EDAR: variants seen among roughly 807,000 people sequenced by gnomAD.
EDAR encodes ectodysplasin A receptor.
A neutral mutation model predicts 51.3 loss-of-function variants in EDAR; 38 were observed. The ratio of observed to expected loss-of-function variants is 0.74; its 90% CI spans 0.57 to 0.97. The LOEUF (loss-of-function observed/expected upper bound fraction) is 0.97, where lower values mean the gene tolerates loss of function less well. EDAR is among the 50% of genes least tolerant of loss of function. The probability of loss-of-function intolerance (pLI) is 0.00; values close to 1 mark genes in which losing one functional copy is unlikely to be tolerated. For missense variants in EDAR, 528 were observed against 595.0 expected, an observed-to-expected ratio of 0.89 and a Z score of 1.17; for synonymous variants, 227 against 242.1, an observed-to-expected ratio of 0.94 and a Z score of 0.58.
intron 5 of EDAR, among the ~76,000 whole-genome samples, chr2:108,920,135 G>C (rs1348284822): frequency 6.6e-6 from 1 of 152,238 alleles, no homozygotes; most frequent in Admixed American, 6.5e-5. Flanking sequence ...GGGAAGTGCA[G>C]GCCAGCTCAC....
At chr2:108,956,982 G>T (rs927319193) in intron 1 of EDAR, among the ~76,000 whole-genome samples, 4 of 152,142 alleles carry the variant, frequency 2.6e-5, no homozygotes, top group Non-Finnish European at 5.9e-5. Flanking sequence ...TAGAGACGGG[G>T]TTTCTCCACG....
Position 108,895,397 on chromosome 2 carries a change from C to G in EDAR, c.*1510G>C, listed in dbSNP as rs898726152. On this transcript the variant is annotated 3_prime_UTR_variant, in exon 12 of 12. Transcript: ENST00000258443. ...GGAGTTCAGCAGTGAACTCTAACCC[C>G]TGGTGTGATCACTAGCCTGGCTCCT... is the stretch of plus-strand genomic sequence containing the variant. 1.3e-5 allele frequency: 2 copies of G among 152,622 alleles called. No individual in the cohort carries two copies. Among genetic ancestry groups the G allele is most frequent in the African/African-American group, 4.8e-5 (2 of 41,452 alleles). 9.5% of individuals were successfully genotyped at this position (152,622 alleles called of 1,614,324 possible).
chr2:108,953,364 C>T (rs1437923263), intron 1 of EDAR, among the ~76,000 whole-genome samples: 1 of 152,212 alleles, frequency 6.6e-6, no homozygotes, highest in Non-Finnish European at 1.5e-5. Flanking sequence ...GCAGTACTCT[C>T]TTCTCTGGTA....
intron 1 of EDAR, among the ~76,000 whole-genome samples, chr2:108,988,550 T>G (rs1698537346): frequency 6.6e-6 from 1 of 151,906 alleles, no homozygotes; most frequent in South Asian, 2.1e-4. Flanking sequence ...GTACGCAGAG[T>G]TGGAGGCAGG....
intron 6 of EDAR, among the ~76,000 whole-genome samples, chr2:108,912,104 G>A (rs1353406204): frequency 6.6e-6 from 1 of 152,166 alleles, no homozygotes; most frequent in Non-Finnish European, 1.5e-5. Flanking sequence ...GGGCTCTGGA[G>A]GGTACCTCAC....
At chr2:108,947,459 G>A (rs1697734814) in intron 1 of EDAR, among the ~76,000 whole-genome samples, 1 of 152,194 alleles carries the variant, frequency 6.6e-6, no homozygotes, top group Non-Finnish European at 1.5e-5. Context: ...CAACTGCATT[G>A]CCTTGGTAGA....
intron 5 of EDAR, among the ~76,000 whole-genome samples, chr2:108,919,193 G>T (rs890486164): frequency 6.6e-6 from 1 of 152,202 alleles, no homozygotes; most frequent in African/African-American, 2.4e-5. Context: ...TGTCACGGAA[G>T]AGCATCCGGG....
chr2:108,905,879 A>G (rs533168669), intron 11 of EDAR, among the ~76,000 whole-genome samples: 73 of 146,420 alleles, frequency 5.0e-4, no homozygotes, highest in Non-Finnish European at 9.7e-4. Flanking sequence ...GGAGGCTCCC[A>G]GGGCTATCAG....
At chr2:108,942,491 G>A (rs1365634664) in intron 1 of EDAR, among the ~76,000 whole-genome samples, 2 of 152,216 alleles carry the variant, frequency 1.3e-5, no homozygotes, top group East Asian at 1.9e-4. Flanking sequence ...GCAAGTTCCC[G>A]GGGAGGCCAG....
At chr2:108,966,258 C>T (rs1008709771) in intron 1 of EDAR, among the ~76,000 whole-genome samples, 1 of 152,204 alleles carries the variant, frequency 6.6e-6, no homozygotes, top group Non-Finnish European at 1.5e-5. Context: ...CAAGTTCCGT[C>T]TTTGTCATTT....
At chr2:108,974,729 CA>C (rs148794878) in intron 1 of EDAR, among the ~76,000 whole-genome samples, 109 of 143,362 alleles carry the variant, frequency 7.6e-4, no homozygotes, top group African/African-American at 1.8e-3. Flanking sequence ...GACTCCATCT[CA>C]AAAAAAAAAA....
intron 5 of EDAR, among the ~76,000 whole-genome samples, chr2:108,921,892 C>T (rs570657615): frequency 1.2e-4 from 19 of 152,376 alleles, no homozygotes; most frequent in Non-Finnish European, 2.6e-4. Context: ...CTGCTGACCT[C>T]CTTCAGGGCC....
chr2:108,912,765 CTGCAAGGAAAATAGAG>C lies in EDAR; in HGVS notation c.443-17_443-2del. 1 of 1,588,678 alleles carries C rather than the reference CTGCAAGGAAAATAGAG, an allele frequency of 6.3e-7. No homozygotes were observed. The highest frequency in any genetic ancestry group is 1.2e-5 in the South Asian group (1 of 86,718). Reference sequence around the variant, plus strand: ...GAAGCTCCTGAAGTGGCTCCCACACCTGCAAGGAAAATAGAGTCCCTCAAATGATCCAGAGAAGCTC... The same window carrying C: ...GAAGCTCCTGAAGTGGCTCCCACACCTCCCTCAAATGATCCAGAGAAGCTC... On this transcript the variant is annotated splice_acceptor_variant and splice_polypyrimidine_tract_variant and intron_variant, in intron 5 of 11. Coordinates refer to ENST00000258443, the MANE Select transcript of EDAR (RefSeq NM_022336.4). LOFTEE classifies it high-confidence loss of function.
At chr2:108,931,075 C>A (rs1697358513) in intron 1 of EDAR, 43 bp from the exon 2 acceptor site, 2 of 1,563,674 alleles carry the variant, frequency 1.3e-6, no homozygotes, top group Non-Finnish European at 1.8e-6. Context: ...CGGTAGCACC[C>A]CAGCCGGGGG....
intron 1 of EDAR, among the ~76,000 whole-genome samples, chr2:108,934,060 G>A (rs1366894871): frequency 6.6e-6 from 1 of 152,194 alleles, no homozygotes; most frequent in Non-Finnish European, 1.5e-5. Context: ...TAACTGAGAA[G>A]GGCTGGGCCT....
intron 1 of EDAR, among the ~76,000 whole-genome samples, chr2:108,958,628 A>T (rs372866865): frequency 2.0e-5 from 3 of 152,298 alleles, no homozygotes; most frequent in South Asian, 2.1e-4. Context: ...CTCCCTTAGC[A>T]ATGGCAGAGC....
At chr2:108,985,509 C>T (rs45479) in intron 1 of EDAR, among the ~76,000 whole-genome samples, 143,195 of 152,266 alleles carry the variant, frequency 0.94, 67,936 homozygotes, top group East Asian at 1. Flanking sequence ...TCTGTTTTCT[C>T]GGAAATGGAA....
chr2:108,958,324 G>A (rs1483547703), intron 1 of EDAR, among the ~76,000 whole-genome samples: 1 of 151,872 alleles, frequency 6.6e-6, no homozygotes, highest in African/African-American at 2.4e-5. Flanking sequence ...ACTTCAGCTC[G>A]TAACGACCAC....
rs1696563343 is a variant in EDAR, at chr2:108,895,342, A to G, written c.*1565T>C. 1 of 152,588 alleles carries G rather than the reference A, an allele frequency of 6.6e-6. No homozygotes were observed. 9.5% of individuals were successfully genotyped at this position (152,588 alleles called of 1,614,324 possible). On this transcript the variant is annotated 3_prime_UTR_variant, in exon 12 of 12. Coordinates refer to ENST00000258443, the MANE Select transcript of EDAR (RefSeq NM_022336.4). Reference sequence around the variant, plus strand: ...TTTATAAGTCAGAGACTTTGTTTTAATGTAGTAATAAACACAGACCTGCCA... The same window carrying G: ...TTTATAAGTCAGAGACTTTGTTTTAGTGTAGTAATAAACACAGACCTGCCA...
Sources: allele counts gnomAD v4.1 joint callset (sites outside exome capture counted in the v4.1 genomes callset), GRCh38; gene constraint gnomAD v4.1.1; transcripts MANE v1.5; gene names NCBI Gene and HGNC (gene_info 2026-07-23, HGNC 2026-07-21).